UBR2: variants seen among roughly 807,000 people sequenced by gnomAD.
UBR2 encodes ubiquitin protein ligase E3 component n-recognin 2.
In UBR2, 92 loss-of-function variants were observed where a neutral mutation model predicts 247.9. The observed-to-expected ratio is 0.37, with a 90% CI of 0.31 to 0.44. The LOEUF (loss-of-function observed/expected upper bound fraction) is 0.44. Ranked by LOEUF, UBR2 falls within the 20% of genes least tolerant of loss-of-function variation. The pLI is 1.00. For missense variants in UBR2, 1,613 were observed against 2,112.6 expected (o/e 0.76, Z 4.64); for synonymous variants, 672 against 693.5 (o/e 0.97, Z 0.49).
intron 15 of UBR2, among the ~76,000 whole-genome samples, chr6:42,638,510 G>T (rs901080386): frequency 6.6e-6 from 1 of 152,092 alleles, no homozygotes; most frequent in African/African-American, 2.4e-5. Flanking sequence ...ATATCAAATG[G>T]TACAATAGAC....
At chr6:42,588,305 C>T (rs1318220293) in intron 2 of UBR2, among the ~76,000 whole-genome samples, 1 of 152,228 alleles carries the variant, frequency 6.6e-6, no homozygotes. Flanking sequence ...CCTCTCTGGG[C>T]ATGCCACCCT....
Position 42,594,175 on chromosome 6 carries a change from A to G in UBR2, c.418-16A>G. The G allele has an allele frequency of 6.3e-7, 1 of 1,591,064 alleles. No individual in the cohort carries two copies. The stretch of plus-strand genomic sequence containing the variant: ...TAAATATTTATTGACAAGATACTTT[A>G]CAATTTTTTTCCAAGATGACAACAT... On this transcript the variant is annotated splice_polypyrimidine_tract_variant and intron_variant, in intron 3 of 46. Transcript: ENST00000372901.
intron 40 of UBR2, among the ~76,000 whole-genome samples, chr6:42,678,076 C>G (rs896482832): frequency 6.6e-6 from 1 of 152,176 alleles, no homozygotes; most frequent in Non-Finnish European, 1.5e-5. Context: ...TAACATCACA[C>G]CTGTAATCCC....
intron 5 of UBR2, 37 bp downstream of exon 5, chr6:42,603,755 C>G (rs1267683622): frequency 1.3e-6 from 2 of 1,554,194 alleles, no homozygotes; most frequent in East Asian, 4.8e-5. Flanking sequence ...GTATGAAGAA[C>G]TGCTAAATTT....
intron 4 of UBR2, among the ~76,000 whole-genome samples, chr6:42,601,478 C>A (rs1014697930): frequency 7.2e-5 from 11 of 152,102 alleles, no homozygotes; most frequent in Non-Finnish European, 1.5e-4. Flanking sequence ...CACCTGAAGT[C>A]AGGGGTTTGA....
At chr6:42,568,256 A>C (rs1291921979) in intron 1 of UBR2, among the ~76,000 whole-genome samples, 1 of 152,130 alleles carries the variant, frequency 6.6e-6, no homozygotes, top group African/African-American at 2.4e-5. Context: ...TTATCACCCC[A>C]AAAAAGAAAT....
chr6:42,583,610 C>T (rs1465307223), intron 2 of UBR2, among the ~76,000 whole-genome samples: 2 of 151,974 alleles, frequency 1.3e-5, no homozygotes, highest in Non-Finnish European at 2.9e-5. Context: ...CAACCTCTGC[C>T]TACCAGGTTC....
Position 42,673,885 on chromosome 6 carries a change from C to G in UBR2, c.4181C>G (p.Ala1394Gly). 1 of 1,610,214 alleles carries G rather than the reference C, an allele frequency of 6.2e-7. No homozygotes were observed. The highest frequency in any genetic ancestry group is 8.5e-7 in the Non-Finnish European group (1 of 1,177,044). Residue 1394 changes from alanine to glycine, a missense_variant and splice_region_variant, in exon 37 of 47, where the codon GCA (alanine) becomes GGA (glycine). Transcript: ENST00000372901. The stretch of plus-strand genomic sequence containing the variant: ...CAAGGACATTTTTGTAAACTTTTTG[C>G]ATGTGAGTATTAATACATTTATAAC... ...VVQGHFCKLF[A>G]SLVPNDSHEE...
intron 11 of UBR2, among the ~76,000 whole-genome samples, chr6:42,632,069 A>AAATATAT (rs56721828): frequency 8.3e-4 from 95 of 114,072 alleles, no homozygotes; most frequent in African/African-American, 3.1e-3. Context: ...AAAAAAAAAA[A>AAATATAT]ATATATATAT....
intron 2 of UBR2, among the ~76,000 whole-genome samples, chr6:42,575,787 T>G (rs1452434838): frequency 1.3e-5 from 2 of 152,252 alleles, no homozygotes; most frequent in African/African-American, 4.8e-5. Context: ...ACTTCTCCAC[T>G]GTAATGTTAC....
chr6:42,610,664 G>A (rs932042103), intron 7 of UBR2, among the ~76,000 whole-genome samples: 1 of 152,114 alleles, frequency 6.6e-6, no homozygotes, highest in Admixed American at 6.6e-5. Context: ...GAGACAGATG[G>A]TGGTTGCTAG....
chr6:42,614,510 A>G (rs1266176229), intron 8 of UBR2, among the ~76,000 whole-genome samples: 2 of 151,802 alleles, frequency 1.3e-5, no homozygotes, highest in Non-Finnish European at 2.9e-5. Flanking sequence ...TAATATTTGA[A>G]GAACGTTTCT....
At chr6:42,678,108 G>A (rs186400034) in intron 40 of UBR2, among the ~76,000 whole-genome samples, 52 of 152,202 alleles carry the variant, frequency 3.4e-4, no homozygotes, top group Non-Finnish European at 4.6e-4. Flanking sequence ...AGGCCAAGGC[G>A]GGCAGATCAC....
chr6:42,600,657 G>A (rs1793304815), intron 4 of UBR2, among the ~76,000 whole-genome samples: 1 of 146,462 alleles, frequency 6.8e-6, no homozygotes, highest in South Asian at 2.2e-4. Flanking sequence ...ATTATCAGTT[G>A]GTGTTCCAAT....
intron 34 of UBR2, among the ~76,000 whole-genome samples, chr6:42,669,600 T>G (rs1305571801): frequency 6.6e-6 from 1 of 152,146 alleles, no homozygotes; most frequent in Non-Finnish European, 1.5e-5. Context: ...TTATTAGTCC[T>G]TGGATAACTA....
intron 30 of UBR2, 33 bp from the exon 31 acceptor site, chr6:42,662,151 T>C (rs1562374880): frequency 1.5e-6 from 2 of 1,323,908 alleles, no homozygotes; most frequent in East Asian, 2.4e-5. Flanking sequence ...AATGCTTCAC[T>C]TTTGTTTTGT....
intron 15 of UBR2, among the ~76,000 whole-genome samples, chr6:42,639,233 C>G (rs1796281635): frequency 6.6e-6 from 1 of 152,122 alleles, no homozygotes; most frequent in Non-Finnish European, 1.5e-5. Context: ...AGTAAATGGC[C>G]ATTATATATT....
rs549395109 is a variant in UBR2 at position 42,579,920 on chromosome 6, T to C, written c.338+5927T>C. Among the ~76,000 whole-genome samples, 18 of 152,384 alleles carry C rather than the reference T, an allele frequency of 1.2e-4. No homozygotes were observed. The South Asian group carries it at 3.7e-3, about 32-fold the overall frequency. ...CATTTTTTCACTTAACAGTTTGTTT[T>C]GGAGATCTTTTCATGTCAATATATA... On this transcript the variant is annotated intron_variant, in intron 2 of 46. Transcript: ENST00000372901.
At chr6:42,666,355 A>C in intron 34 of UBR2, 110 bp downstream of exon 34, 1 of 839,342 alleles carries the variant, frequency 1.2e-6, no homozygotes, top group Non-Finnish European at 1.8e-6. Context: ...ATGTTATAGG[A>C]TACTGATCTT....
Sources: gnomAD v4.1 joint callset for allele counts (sites outside exome capture counted in the v4.1 genomes callset) on GRCh38, gnomAD v4.1.1 for gene constraint, MANE v1.5 for transcripts, NCBI Gene and HGNC (gene_info 2026-07-23, HGNC 2026-07-21) for gene names.